The following CFAP54 variants were observed in gnomAD, a reference collection of about 807,000 sequenced individuals.
CFAP54 encodes cilia- and flagella-associated protein 54.
Under a neutral mutation model 370.4 loss-of-function variants are expected in CFAP54, and 290 were observed. The ratio of observed to expected loss-of-function variants is 0.78; its 90% CI spans 0.71 to 0.86. The LOEUF (loss-of-function observed/expected upper bound fraction) is 0.86. CFAP54 is among the 40% of genes least tolerant of loss of function. The pLI, the probability that CFAP54 is intolerant of heterozygous loss-of-function variation, is 0.00. For missense variants in CFAP54, 3,399 were observed against 3,528.7 expected, an observed-to-expected ratio of 0.96 and a Z score of 0.93; for synonymous variants, 1,206 against 1,236.5, an observed-to-expected ratio of 0.98 and a Z score of 0.52.
intron 64 of CFAP54, among the ~76,000 whole-genome samples, chr12:96,816,602 G>A (rs1257018337): frequency 1.3e-5 from 2 of 152,122 alleles, no homozygotes; most frequent in Non-Finnish European, 2.9e-5. Flanking sequence ...GTGGACAATT[G>A]GAAAATTGAC....
chr12:96,812,343 C>CT (rs1958935969), intron 64 of CFAP54, among the ~76,000 whole-genome samples: 2 of 152,182 alleles, frequency 1.3e-5, no homozygotes, highest in Non-Finnish European at 2.9e-5. Context: ...TCAGAAGTCT[C>CT]TGCTTCATCT....
At chr12:96,821,871 C>A (rs1474335294) in intron 65 of CFAP54, among the ~76,000 whole-genome samples, 3 of 152,092 alleles carry the variant, frequency 2.0e-5, no homozygotes, top group Non-Finnish European at 4.4e-5. Flanking sequence ...GATTTCATAG[C>A]TTCCATAATC....
intron 27 of CFAP54, among the ~76,000 whole-genome samples, chr12:96,623,518 C>G (rs1956522489): frequency 6.6e-6 from 1 of 152,060 alleles, no homozygotes; most frequent in Non-Finnish European, 1.5e-5. Context: ...GTGGAAGTTA[C>G]TGGGAGAAAG....
intron 26 of CFAP54, among the ~76,000 whole-genome samples, chr12:96,600,072 G>A (rs1956222864): frequency 6.6e-6 from 1 of 152,128 alleles, no homozygotes; most frequent in African/African-American, 2.4e-5. Flanking sequence ...TGAAGTCTTT[G>A]CCCATGCCTA....
In CFAP54 at chr12:96,726,926, G is replaced by A. The variant is rs374249448; in HGVS notation, c.6965+6361G>A. Among the ~76,000 whole-genome samples, 729 of 151,970 alleles carry A rather than the reference G, an allele frequency of 4.8e-3. 4 individuals carry two copies. Among genetic ancestry groups the A allele is most frequent in the African/African-American group, 0.016 (682 of 41,414 alleles). ...ACATCTTTATTTCTGCCTTCATTTC[G>A]TTATGTACCCAGTAGTCATTCAGGA... On this transcript the variant is annotated intron_variant, in intron 50 of 67. Transcript: ENST00000524981.
At chr12:96,537,031 A>G (rs1049994924) in intron 12 of CFAP54, among the ~76,000 whole-genome samples, 3 of 152,112 alleles carry the variant, frequency 2.0e-5, no homozygotes, top group Admixed American at 1.3e-4. Flanking sequence ...ACTTATTGAT[A>G]TCTGTCGTAT....
chr12:96,754,576 A>G (rs1213271082), intron 56 of CFAP54, among the ~76,000 whole-genome samples: 1 of 152,152 alleles, frequency 6.6e-6, no homozygotes, highest in African/African-American at 2.4e-5. Context: ...TGGTTAAGTG[A>G]CTTTCCAAAA....
chr12:96,554,125 G>A (rs910398354), intron 15 of CFAP54, 57 bp from the exon 16 acceptor site: 194 of 1,162,298 alleles, frequency 1.7e-4, no homozygotes, highest in Admixed American at 3.9e-4. Context: ...AATTGGAAGT[G>A]TTGCATTTGA....
At position 96,489,855 on chromosome 12, in the gene CFAP54, G is replaced by A. The variant is rs1320474654; in HGVS notation, c.246G>A (p.Leu82=). 1 of 1,536,042 alleles carries A rather than the reference G, an allele frequency of 6.5e-7. No individual in the cohort carries two copies. The highest frequency in any genetic ancestry group is 2.4e-5 in the East Asian group (1 of 40,924). Residue 82 remains leucine, a synonymous_variant, in exon 1 of 68, where the codon TTG becomes TTA. Coordinates refer to ENST00000524981, the MANE Select transcript of CFAP54 (RefSeq NM_001306084.2). ...CTTGTGAGAAGGAGATCCAGGAGTT[G>A]TTAGGCTTTATGAGGAAAAAGAAGG... ...LASCEKEIQE[L]LGFMRKKKAL...
chr12:96,741,893 C>T (rs558867946), intron 51 of CFAP54, among the ~76,000 whole-genome samples: 43 of 152,262 alleles, frequency 2.8e-4, no homozygotes, highest in Admixed American at 1.2e-3. Context: ...ATCCCACCTC[C>T]GTCAAAATAT....
At chr12:96,502,414 A>AAC (rs1424656554) in intron 2 of CFAP54, among the ~76,000 whole-genome samples, 1 of 151,352 alleles carries the variant, frequency 6.6e-6, no homozygotes, top group Non-Finnish European at 1.5e-5. Context: ...AAAAAAAAAA[A>AAC]AAAAAGGTAT....
chr12:96,769,224 G>T (rs1237825721), intron 60 of CFAP54, among the ~76,000 whole-genome samples: 1 of 152,162 alleles, frequency 6.6e-6, no homozygotes, highest in Non-Finnish European at 1.5e-5. Flanking sequence ...AAAAATTTCA[G>T]CTGGGATTAA....
chr12:96,503,625 C>T (rs1955057381), intron 2 of CFAP54, among the ~76,000 whole-genome samples: 1 of 152,080 alleles, frequency 6.6e-6, no homozygotes, highest in African/African-American at 2.4e-5. Context: ...TGCACAGTGC[C>T]ATAGTAAATA....
At position 96,660,561 on chromosome 12, in the gene CFAP54, C is replaced by CAAGT. The variant is rs1243226579; in HGVS notation, c.5460+2216_5460+2219dup. On this transcript the variant is annotated intron_variant, in intron 38 of 67. Coordinates refer to ENST00000524981, the MANE Select transcript of CFAP54 (RefSeq NM_001306084.2). The stretch of plus-strand genomic sequence containing the variant: ...AACCAGAAGAGCAAAACTAGTAAGA[C>CAAGT]AAGTCTATCTTATCTCTGGAGGGGA... 5.3e-5 allele frequency among the ~76,000 whole-genome samples: 8 copies of CAAGT among 152,212 alleles called. No homozygotes were observed. In the East Asian group the frequency reaches 1.4e-3, roughly 26 times the overall value.
intron 62 of CFAP54, 100 bp from the exon 63 acceptor site, chr12:96,792,229 A>T: frequency 9.9e-7 from 1 of 1,014,916 alleles, no homozygotes; most frequent in Non-Finnish European, 1.4e-6. Context: ...AAACAAGCTG[A>T]GACAATCCCA....
At chr12:96,840,501 T>A (rs981405854) in intron 66 of CFAP54, among the ~76,000 whole-genome samples, 38 of 152,194 alleles carry the variant, frequency 2.5e-4, no homozygotes, top group African/African-American at 8.4e-4. Flanking sequence ...CTCTAAACTG[T>A]CATTTACAAG....
At chr12:96,742,326 G>GTA in intron 51 of CFAP54, 113 bp from the exon 52 acceptor site, 1 of 679,166 alleles carries the variant, frequency 1.5e-6, no homozygotes, top group South Asian at 2.2e-5. Flanking sequence ...ATTTAAAATT[G>GTA]TAATACTGTG....
intron 39 of CFAP54, among the ~76,000 whole-genome samples, chr12:96,678,479 T>G (rs1449482184): frequency 6.6e-6 from 1 of 152,166 alleles, no homozygotes; most frequent in Non-Finnish European, 1.5e-5. Context: ...CTCAAACTCC[T>G]AACCTCAAGT....
chr12:96,580,819 G>T (rs1956025862), intron 21 of CFAP54, 101 bp from the exon 22 acceptor site: 4 of 1,151,948 alleles, frequency 3.5e-6, no homozygotes, highest in South Asian at 2.1e-5. Flanking sequence ...AACAATGAAA[G>T]AAAAAGGTTT....
Sources: gnomAD v4.1 joint callset for allele counts (sites outside exome capture counted in the v4.1 genomes callset) on GRCh38, gnomAD v4.1.1 for gene constraint, MANE v1.5 for transcripts, NCBI Gene and HGNC (gene_info 2026-07-23, HGNC 2026-07-21) for gene names.